The following AEBP2 variants were observed in gnomAD, a reference collection of about 807,000 sequenced individuals.
AEBP2 encodes the protein AE binding protein 2.
Under a neutral mutation model 50.8 loss-of-function variants are expected in AEBP2, and 10 were observed. That is an observed-to-expected ratio of 0.20 (90% confidence interval 0.12 to 0.33). The LOEUF is 0.33. Among genes scored for constraint, AEBP2 ranks in the 10% least tolerant of loss-of-function variants. The pLI, the probability that AEBP2 is intolerant of heterozygous loss-of-function variation, is 1.00. For synonymous variants in AEBP2, 296 were observed against 261.3 expected, an observed-to-expected ratio of 1.13 and a Z score of -1.28; for missense variants, 570 against 688.0, an observed-to-expected ratio of 0.83 and a Z score of 1.92.
intron 5 of AEBP2, among the ~76,000 whole-genome samples, chr12:19,502,897 T>C (rs1463855569): frequency 6.6e-6 from 1 of 152,098 alleles, no homozygotes; most frequent in East Asian, 1.9e-4. Flanking sequence ...ATCCAGCCGC[T>C]TCAGCTTCCC....
At chr12:19,472,742 GT>G (rs1160371473) in intron 2 of AEBP2, among the ~76,000 whole-genome samples, 1 of 152,016 alleles carries the variant, frequency 6.6e-6, no homozygotes, top group African/African-American at 2.4e-5. Flanking sequence ...GTAAAAGATT[GT>G]AATTTGATAA....
In AEBP2 at chr12:19,424,915, G is replaced by A. The variant is rs201518015; in HGVS notation, c.-17+20699G>A. ...GCCCAGCTACTCAGGAGGCTGAGGC[G>A]GGAGAATCACTTGAACCCAGGAGGT... On this transcript the variant is annotated intron_variant, in intron 1 of 3. Transcript: ENST00000538425. 7.9e-5 allele frequency among the ~76,000 whole-genome samples: 12 copies of A among 152,062 alleles called. No individual in the cohort carries two copies. The South Asian group carries it at 2.5e-3, about 32-fold the overall frequency.
chr12:19,491,906 C>G (rs1485884030), intron 3 of AEBP2, among the ~76,000 whole-genome samples: 1 of 152,150 alleles, frequency 6.6e-6, no homozygotes, highest in African/African-American at 2.4e-5. Flanking sequence ...AGAATTAGCT[C>G]TTGTCCATTT....
intron 1 of AEBP2, among the ~76,000 whole-genome samples, chr12:19,433,021 C>T (rs752904506): frequency 1.3e-4 from 20 of 152,058 alleles, no homozygotes; most frequent in Non-Finnish European, 2.5e-4. Flanking sequence ...TAGCATCACA[C>T]GTTCACCAAG....
At chr12:19,495,364 G>A (rs1381287800) in intron 4 of AEBP2, among the ~76,000 whole-genome samples, 1 of 152,178 alleles carries the variant, frequency 6.6e-6, no homozygotes, top group African/African-American at 2.4e-5. Flanking sequence ...GTATAGACAA[G>A]ACTCCAGACA....
intron 3 of AEBP2, among the ~76,000 whole-genome samples, chr12:19,473,907 G>A (rs11044585): frequency 0.021 from 3,234 of 152,188 alleles, 42 homozygotes; most frequent in East Asian, 0.043. Context: ...TTGGATTAGG[G>A]TCTTGAAAAT....
At chr12:19,448,497 A>AT (rs1339619068) in intron 1 of AEBP2, among the ~76,000 whole-genome samples, 6 of 151,992 alleles carry the variant, frequency 3.9e-5, no homozygotes, top group Non-Finnish European at 5.9e-5. Flanking sequence ...AAAAAAAAAA[A>AT]AGTAAAGATC....
intron 3 of AEBP2, among the ~76,000 whole-genome samples, chr12:19,483,968 T>A (rs997896088): frequency 6.6e-6 from 1 of 152,202 alleles, no homozygotes; most frequent in Non-Finnish European, 1.5e-5. Context: ...ATCAGTAATG[T>A]TAGAGTGTCT....
chr12:19,452,795 A>T (rs965914434), intron 1 of AEBP2, among the ~76,000 whole-genome samples: 2 of 152,140 alleles, frequency 1.3e-5, no homozygotes, highest in African/African-American at 4.8e-5. Context: ...GACATAGTGT[A>T]ATCTTTCTAG....
intron 1 of AEBP2, among the ~76,000 whole-genome samples, chr12:19,442,542 A>G (rs775771587): frequency 3.9e-5 from 6 of 152,220 alleles, no homozygotes; most frequent in Non-Finnish European, 8.8e-5. Context: ...CATTAATGAG[A>G]TATTTACTTG....
chr12:19,496,761 A>G (rs1296622728), intron 4 of AEBP2, among the ~76,000 whole-genome samples: 1 of 150,688 alleles, frequency 6.6e-6, no homozygotes, highest in African/African-American at 2.4e-5. Context: ...TCCTGGGCTC[A>G]GGTGATTCTC....
rs1250734751 is a variant in AEBP2, at chr12:19,518,585, ATATT to A, written c.*471_*474del. Reference sequence around the variant, plus strand: ...TATTGATTTGAAGTCATATTAGGAAATATTTAGACAATGAAAATTATCAAGAGAT... The same window carrying A: ...TATTGATTTGAAGTCATATTAGGAAATAGACAATGAAAATTATCAAGAGAT... On this transcript the variant is annotated 3_prime_UTR_variant, in exon 8 of 8. Coordinates refer to ENST00000266508, the MANE Select transcript of AEBP2 (RefSeq NM_153207.5). 7.3e-7 allele frequency: 1 copy of A among 1,377,044 alleles called. No individual in the cohort carries two copies. The allele number at this position is 1,377,044 out of a possible 1,614,324, so 85.3% of individuals were successfully genotyped here. A position where few individuals can be genotyped will look rare whatever the true frequency, so the allele number is the denominator to read the frequency against.
intron 1 of AEBP2, among the ~76,000 whole-genome samples, chr12:19,443,547 C>G (rs998327618): frequency 2.6e-5 from 4 of 151,704 alleles, no homozygotes; most frequent in African/African-American, 9.7e-5. Context: ...ATGGTGAAAC[C>G]CCATCTCTAC....
At chr12:19,515,623 T>C (rs1363268776) in intron 7 of AEBP2, among the ~76,000 whole-genome samples, 1 of 152,222 alleles carries the variant, frequency 6.6e-6, no homozygotes, top group Non-Finnish European at 1.5e-5. Flanking sequence ...AAATTTTAGC[T>C]ATCATAAAGA....
At chr12:19,457,365 T>C in intron 1 of AEBP2, 1 of 1,444,500 alleles carries the variant, frequency 6.9e-7, no homozygotes, top group South Asian at 1.2e-5. Flanking sequence ...TAAGTCTCTG[T>C]GTCCTAGGGC....
At chr12:19,434,969 A>G (rs978852611), upstream of AEBP2, among the ~76,000 whole-genome samples, 1 of 152,078 alleles carries the variant, frequency 6.6e-6, no homozygotes, top group African/African-American at 2.4e-5. Context: ...CATGTGTCTA[A>G]TCTCCATTCA....
At chr12:19,456,240 A>G (rs1948268146) in intron 1 of AEBP2, 7 of 1,514,708 alleles carry the variant, frequency 4.6e-6, no homozygotes, top group South Asian at 2.3e-5. Flanking sequence ...TATTAGGGAT[A>G]ATATTCATTT....
At chr12:19,495,132 T>G (rs1948956218) in intron 4 of AEBP2, among the ~76,000 whole-genome samples, 1 of 152,140 alleles carries the variant, frequency 6.6e-6, no homozygotes, top group South Asian at 2.1e-4. Flanking sequence ...CTTGAACTCC[T>G]GACCTCTTGA....
intron 1 of AEBP2, chr12:19,456,881 C>CT: frequency 6.7e-7 from 1 of 1,483,566 alleles, no homozygotes; most frequent in Non-Finnish European, 9.4e-7. Context: ...TTGTAGACAT[C>CT]CTGGAGAGGC....
Sources: allele counts gnomAD v4.1 joint callset (sites outside exome capture counted in the v4.1 genomes callset), GRCh38; gene constraint gnomAD v4.1.1; transcripts MANE v1.5; gene names NCBI Gene and HGNC (gene_info 2026-07-23, HGNC 2026-07-21).